Variants in FAM89A observed in about 807,000 individuals in gnomAD.
FAM89A encodes family with sequence similarity 89 member A.
Under a neutral mutation model 7.1 loss-of-function variants are expected in FAM89A, and 10 were observed. That is an observed-to-expected ratio of 1.40 (90% CI 0.86 to 2.38). FAM89A has a LOEUF of 2.38. Ranked by LOEUF, FAM89A falls within the 30% of genes most tolerant of loss-of-function variation. The probability of loss-of-function intolerance (pLI) is 0.00; values close to 1 mark genes in which losing one functional copy is unlikely to be tolerated. For synonymous variants in FAM89A, 157 were observed against 129.3 expected, an observed-to-expected ratio of 1.21 and a Z score of -1.45; for missense variants, 276 against 262.8, an observed-to-expected ratio of 1.05 and a Z score of -0.35.
intron 1 of FAM89A, among the ~76,000 whole-genome samples, chr1:231,031,974 C>G (rs868069118): frequency 6.6e-6 from 1 of 152,126 alleles, no homozygotes; most frequent in African/African-American, 2.4e-5. Flanking sequence ...ATGCCCAAGG[C>G]GCCTTTCCAA....
In FAM89A at chr1:231,020,904, C is replaced by T. The variant is rs148717879; in HGVS notation, c.292-778G>A. ...ACCACCCATCCCAGAGAAAAGAGCACGGTCACAGTCAGAACAGGAAATGCA... is the reference window on the plus strand; with the variant it reads ...ACCACCCATCCCAGAGAAAAGAGCATGGTCACAGTCAGAACAGGAAATGCA... On this transcript the variant is annotated intron_variant, in intron 1 of 1. Transcript: ENST00000366654. Among the ~76,000 whole-genome samples, 67 of 152,304 alleles carry T rather than the reference C, an allele frequency of 4.4e-4. 1 individual carries two copies. The highest frequency in any genetic ancestry group is 3.4e-3 in the Middle Eastern group (1 of 294).
intron 1 of FAM89A, among the ~76,000 whole-genome samples, chr1:231,031,270 G>C (rs1319143958): frequency 1.3e-5 from 2 of 152,184 alleles, no homozygotes; most frequent in South Asian, 2.1e-4. Flanking sequence ...TCATACAGCT[G>C]TATAACTGGG....
At chr1:231,036,570 AG>A (rs1358139414) in intron 1 of FAM89A, among the ~76,000 whole-genome samples, 1 of 152,066 alleles carries the variant, frequency 6.6e-6, no homozygotes, top group East Asian at 1.9e-4. Context: ...TTACTAGAAC[AG>A]GAAGTGTTGA....
Position 231,019,985 on chromosome 1 carries a change from C to G in FAM89A, c.433G>C (p.Glu145Gln). 1 of 1,614,170 alleles carries G rather than the reference C, an allele frequency of 6.2e-7. No individual in the cohort carries two copies. The highest frequency in any genetic ancestry group is 8.5e-7 in the Non-Finnish European group (1 of 1,180,028). The change falls in exon 2 of 2, where the codon GAG becomes CAG. Residue 145 changes from glutamate to glutamine, a missense_variant. By Grantham distance (29) the Glu-to-Gln change is conservative. Coordinates refer to ENST00000366654, the MANE Select transcript of FAM89A (RefSeq NM_198552.3). ...TTCTGCTCCTGGAAATATTCCTCCT[C>G]TTCATCGAAGAAGCCGTTCTCCAGA... is the stretch of plus-strand genomic sequence containing the variant. ...YALENGFFDE[E>Q]EEYFQEQNSL...
At chr1:231,038,024 C>T (rs1026308552) in intron 1 of FAM89A, among the ~76,000 whole-genome samples, 1 of 152,186 alleles carries the variant, frequency 6.6e-6, no homozygotes, top group African/African-American at 2.4e-5. Context: ...TGCAAGGCCT[C>T]CCCAGAGGGA....
In FAM89A at chr1:231,039,931, C is replaced by A. The variant is rs1244027829; in HGVS notation, c.281G>T (p.Arg94Leu). Residue 94 changes from arginine to leucine, a missense_variant, in exon 1 of 2, where the codon CGC becomes CTC. Coordinates refer to ENST00000366654, the MANE Select transcript of FAM89A (RefSeq NM_198552.3). ...PNLDAALALL[R>L]KEMVGLRQLD... ...CGGAGCCCCACTCACCATCTCTTTG[C>A]GGAGCAGCGCCAGAGCGGCGTCCAG... The A allele has an allele frequency of 2.2e-6, 3 of 1,338,104 alleles. No individual in the cohort carries two copies. The highest frequency in any genetic ancestry group is 3.1e-5 in the African/African-American group (2 of 64,940). The allele number at this position is 1,338,104 out of a possible 1,614,324, so 82.9% of individuals were successfully genotyped here. A position where few individuals can be genotyped will look rare whatever the true frequency, so the allele number is the denominator to read the frequency against.
chr1:231,039,866 T>A, intron 1 of FAM89A, 55 bp downstream of exon 1: 1 of 1,273,068 alleles, frequency 7.9e-7, no homozygotes, highest in Non-Finnish European at 9.9e-7. Flanking sequence ...CCGCGAACTT[T>A]CCCGGGACGG....
In FAM89A at chr1:231,019,942, C is replaced by T. The variant is rs754401221; in HGVS notation, c.476G>A (p.Arg159Lys). The T allele has an allele frequency of 6.2e-7, 1 of 1,614,206 alleles. No individual in the cohort carries two copies. The highest frequency in any genetic ancestry group is 8.5e-7 in the Non-Finnish European group (1 of 1,180,036). ...FQEQNSLHDR[R>K]DRGPPRDLSL... is the part of the protein sequence containing the mutation. ...CAAGTCCCGAGGAGGGCCTCGGTCC[C>T]TCCTGTCGTGCAGGGAGTTCTGCTC... The change falls in exon 2 of 2, where the codon AGG (arginine) becomes AAG (lysine). Residue 159 changes from arginine to lysine, a missense_variant. Physicochemically the swap from Arg to Lys is conservative, Grantham distance 26. Coordinates refer to ENST00000366654, the MANE Select transcript of FAM89A (RefSeq NM_198552.3).
At chr1:231,031,147 G>A (rs779075330) in intron 1 of FAM89A, among the ~76,000 whole-genome samples, 3 of 151,918 alleles carry the variant, frequency 2.0e-5, no homozygotes, top group Admixed American at 6.6e-5. Flanking sequence ...CCTATTACAT[G>A]CTAACACAAA....
At chr1:231,024,679 G>A (rs1272192966) in intron 1 of FAM89A, among the ~76,000 whole-genome samples, 1 of 151,898 alleles carries the variant, frequency 6.6e-6, no homozygotes, top group African/African-American at 2.4e-5. Context: ...TGGGACTACA[G>A]GTGCATACCA....
intron 1 of FAM89A, among the ~76,000 whole-genome samples, chr1:231,023,735 G>A (rs1679917777): frequency 6.6e-6 from 1 of 152,158 alleles, no homozygotes; most frequent in Non-Finnish European, 1.5e-5. Flanking sequence ...TTTTCTACTT[G>A]GAGTTGAAGA....
intron 1 of FAM89A, among the ~76,000 whole-genome samples, chr1:231,036,078 G>A (rs1430479958): frequency 6.6e-6 from 1 of 152,200 alleles, no homozygotes; most frequent in African/African-American, 2.4e-5. Context: ...CAAAACAGAG[G>A]AGGAGGGGAA....
At chr1:231,021,682 C>A in intron 1 of FAM89A, 1 of 1,582,108 alleles carries the variant, frequency 6.3e-7, no homozygotes, top group Admixed American at 1.7e-5. Flanking sequence ...GGGAAGCAAC[C>A]TCCACCCCTG....
chr1:231,038,867 AT>A (rs1354950587), intron 1 of FAM89A, among the ~76,000 whole-genome samples: 1 of 152,200 alleles, frequency 6.6e-6, no homozygotes, highest in African/African-American at 2.4e-5. Flanking sequence ...ATAACAATTT[AT>A]TTTTTGGCAA....
intron 1 of FAM89A, among the ~76,000 whole-genome samples, chr1:231,032,042 G>C (rs1282016566): frequency 2.6e-5 from 4 of 152,032 alleles, no homozygotes; most frequent in Non-Finnish European, 5.9e-5. Flanking sequence ...TGGGAAGAAA[G>C]ACGTTTACCA....
intron 1 of FAM89A, among the ~76,000 whole-genome samples, chr1:231,021,213 C>G (rs555135197): frequency 6.6e-6 from 1 of 152,376 alleles, no homozygotes; most frequent in Admixed American, 6.5e-5. Flanking sequence ...TTCTTGGCCC[C>G]TGAGCAAGGT....
intron 1 of FAM89A, 32 bp from the exon 2 acceptor site, chr1:231,020,158 A>T: frequency 3.8e-6 from 6 of 1,565,650 alleles, no homozygotes; most frequent in Non-Finnish European, 4.3e-6. Flanking sequence ...GTAAAAAACG[A>T]GAAGTCAGCA....
chr1:231,029,433 A>T (rs890088350), intron 1 of FAM89A, among the ~76,000 whole-genome samples: 3 of 152,124 alleles, frequency 2.0e-5, no homozygotes, highest in Non-Finnish European at 4.4e-5. Context: ...TTGAGGCTGC[A>T]GTGCGCTGTG....
In FAM89A at chr1:231,019,774, G is replaced by C. The variant is rs1679837576; in HGVS notation, c.*89C>G. 4 of 1,459,138 alleles carry C rather than the reference G, an allele frequency of 2.7e-6. No homozygotes were observed. The highest frequency in any genetic ancestry group is 1.9e-6 in the Non-Finnish European group (2 of 1,070,834). 90.4% of individuals were successfully genotyped at this position (1,459,138 alleles called of 1,614,324 possible). A position where few individuals can be genotyped will look rare whatever the true frequency, so the allele number is the denominator to read the frequency against. ...CTGTGCCCGAGGACCGTCCACAACG[G>C]AGGTGCTTTCTTGCAAGAGAAGCAG... On this transcript the variant is annotated 3_prime_UTR_variant, in exon 2 of 2. Coordinates refer to ENST00000366654, the MANE Select transcript of FAM89A (RefSeq NM_198552.3).
Sources: allele counts gnomAD v4.1 joint callset (sites outside exome capture counted in the v4.1 genomes callset), GRCh38; gene constraint gnomAD v4.1.1; transcripts MANE v1.5; gene names NCBI Gene and HGNC (gene_info 2026-07-23, HGNC 2026-07-21).